TFDP1: variants seen among roughly 807,000 people sequenced by gnomAD.
TFDP1 encodes the protein DRTF1-polypeptide 1.
In TFDP1, 6 loss-of-function variants were observed where a neutral mutation model predicts 48.0. That is an observed-to-expected ratio of 0.13 (90% CI 0.07 to 0.25). TFDP1 has a LOEUF of 0.25. TFDP1 is among the 10% of genes least tolerant of loss of function. The pLI, the probability that TFDP1 is intolerant of heterozygous loss-of-function variation, is 1.00. For synonymous variants in TFDP1, 201 were observed against 211.6 expected (o/e 0.95, Z 0.44); for missense variants, 335 against 543.0 (o/e 0.62, Z 3.81).
At position 113,598,847 on chromosome 13, in the gene TFDP1, G is replaced by A. The variant is rs2048345046; in HGVS notation, c.13-12149G>A. 6.6e-6 allele frequency among the ~76,000 whole-genome samples: 1 copy of A among 152,198 alleles called. No homozygotes were observed. Among genetic ancestry groups the A allele is most frequent in the African/African-American group, 2.4e-5 (1 of 41,444 alleles). ...TAGGGTGATGTTGGGCACCACCCTC[G>A]CCTGCAGCTCATCACCTCTGGATGG... On this transcript the variant is annotated intron_variant, in intron 2 of 11. Transcript: ENST00000375370. This position sits in a 1 kb window ranked among gnomAD's most constrained non-coding sequence, Gnocchi z 4.2.
chr13:113,632,370 G>A (rs2049359886), intron 5 of TFDP1, among the ~76,000 whole-genome samples: 3 of 152,244 alleles, frequency 2.0e-5, no homozygotes, highest in African/African-American at 4.8e-5. Flanking sequence ...CACACTTAGT[G>A]CTTTGCACCT....
chr13:113,634,827 A>ATGTG (rs377583319), intron 8 of TFDP1, among the ~76,000 whole-genome samples: 1 of 148,126 alleles, frequency 6.8e-6, no homozygotes, highest in Non-Finnish European at 1.5e-5. Flanking sequence ...GCATGCATGC[A>ATGTG]TGTGTGTGTG....
chr13:113,601,150 G>A (rs927629255), intron 2 of TFDP1, among the ~76,000 whole-genome samples: 3 of 152,132 alleles, frequency 2.0e-5, no homozygotes, highest in Non-Finnish European at 2.9e-5. Flanking sequence ...GTTGGCCTCC[G>A]TAGCTGAGAA....
Position 113,636,062 on chromosome 13 carries a change from A to G in TFDP1, c.773A>G (p.His258Arg). 6.2e-7 allele frequency: 1 copy of G among 1,614,198 alleles called. No individual in the cohort carries two copies. The change falls in exon 9 of 12, where the codon CAC becomes CGC. Residue 258 changes from histidine to arginine, a missense_variant. His to Arg is a conservative substitution (Grantham distance 29). Around this residue, in one of 3 missense-constraint regions of TFDP1, gnomAD observed 204 missense variants for 287.1 expected, o/e 0.71. Transcript: ENST00000375370. ...SRPPPPNSVI[H>R]LPFIIVNTSK... is the part of the protein sequence containing the mutation. ...CCACCGCCACCCAACTCAGTCATCC[A>G]CCTGCCCTTCATCATCGTCAACACC...
intron 4 of TFDP1, among the ~76,000 whole-genome samples, chr13:113,625,837 C>T (rs1356265072): frequency 6.9e-6 from 1 of 145,844 alleles, no homozygotes; most frequent in African/African-American, 2.6e-5. Flanking sequence ...AGGTGTCTCA[C>T]GCGTCCTCAG....
In TFDP1 at chr13:113,627,745, A is replaced by T. The variant is rs762282553; in HGVS notation, c.187-3878A>T. 3.4e-5 allele frequency among the ~76,000 whole-genome samples: 5 copies of T among 147,458 alleles called. No homozygotes were observed. Among genetic ancestry groups the T allele is most frequent in the Non-Finnish European group, 7.4e-5 (5 of 68,004 alleles). On this transcript the variant is annotated intron_variant, in intron 4 of 11. Transcript: ENST00000375370. This position sits in a 1 kb window ranked among gnomAD's most constrained non-coding sequence, Gnocchi z 4.1. ...GCGCAAACCCCACTGTGAACGGCACATGCAGGATCTAGGTGGCACTCCGTA... is the reference window on the plus strand; with the variant it reads ...GCGCAAACCCCACTGTGAACGGCACTTGCAGGATCTAGGTGGCACTCCGTA...
chr13:113,640,506 T>C lies in TFDP1; in HGVS notation c.*239T>C. 1.9e-6 allele frequency: 1 copy of C among 538,364 alleles called. No homozygotes were observed. Among genetic ancestry groups the C allele is most frequent in the Non-Finnish European group, 2.9e-6 (1 of 350,460 alleles). The allele number at this position is 538,364 out of a possible 1,614,324, so 33.3% of individuals were successfully genotyped here. A position where few individuals can be genotyped will look rare whatever the true frequency, so the allele number is the denominator to read the frequency against. On this transcript the variant is annotated 3_prime_UTR_variant, in exon 12 of 12. Coordinates refer to ENST00000375370, the MANE Select transcript of TFDP1 (RefSeq NM_007111.5). ...AGCGTTTATTTACTTGTTAGGATTT[T>C]GTGTTTTCATTTGCTATTTTTCTTT...
At chr13:113,636,413 G>A in intron 9 of TFDP1, 121 bp from the exon 10 acceptor site, 1 of 1,177,914 alleles carries the variant, frequency 8.5e-7, no homozygotes, top group African/African-American at 1.5e-5. Context: ...AGGAGACACT[G>A]ATGACTGGGA....
chr13:113,600,217 C>T (rs889562943), intron 2 of TFDP1, among the ~76,000 whole-genome samples: 1 of 149,540 alleles, frequency 6.7e-6, no homozygotes, highest in Non-Finnish European at 1.5e-5. Flanking sequence ...TGAGAGAGAA[C>T]CCTCGTGCTT....
At chr13:113,611,407 C>T (rs4150732) in intron 3 of TFDP1, among the ~76,000 whole-genome samples, 2 of 152,254 alleles carry the variant, frequency 1.3e-5, no homozygotes, top group Admixed American at 6.5e-5. Flanking sequence ...TTCCAGAGGC[C>T]GGCCTCACCT....
rs143376685 is a variant in TFDP1 at position 113,636,616 on chromosome 13, G to A, written c.922G>A (p.Gly308Arg). Reference protein sequence around the residue: ...EVLKRMGMACGLESGSCSAED... With the variant: ...EVLKRMGMACRLESGSCSAED... Reference sequence around the variant, plus strand: ...GCTGAAGCGGATGGGCATGGCTTGCGGGCTGGAGTCGGGGAGCTGCTCTGC... The same window carrying A: ...GCTGAAGCGGATGGGCATGGCTTGCAGGCTGGAGTCGGGGAGCTGCTCTGC... The change falls in exon 10 of 12, where the codon GGG (glycine) becomes AGG (arginine). Residue 308 changes from glycine (G) to arginine (R), a missense_variant. Physicochemically the swap from Gly to Arg is moderately radical, Grantham distance 125 (BLOSUM62 -2). This residue lies in a region of TFDP1 where 204 missense variants were observed against 287.1 expected (regional missense o/e 0.71). Coordinates refer to ENST00000375370, the MANE Select transcript of TFDP1 (RefSeq NM_007111.5). The A allele has an allele frequency of 1.2e-4, 194 of 1,614,060 alleles. No individual in the cohort carries two copies. The highest frequency in any genetic ancestry group is 1.5e-4 in the Non-Finnish European group (177 of 1,180,038).
At chr13:113,613,802 A>C (rs2048778318) in intron 3 of TFDP1, among the ~76,000 whole-genome samples, 3 of 148,068 alleles carry the variant, frequency 2.0e-5, no homozygotes, top group Non-Finnish European at 4.5e-5. Flanking sequence ...GTGCGTGTGG[A>C]GTGTCTGTGC....
intron 3 of TFDP1, among the ~76,000 whole-genome samples, chr13:113,613,416 G>A (rs1230764585): frequency 6.6e-6 from 1 of 152,168 alleles, no homozygotes; most frequent in Admixed American, 6.5e-5. Flanking sequence ...TTCCTCTTCT[G>A]TCCATGCAGG....
chr13:113,586,359 G>A (rs1016160605), intron 2 of TFDP1, among the ~76,000 whole-genome samples: 1 of 152,176 alleles, frequency 6.6e-6, no homozygotes, highest in African/African-American at 2.4e-5. Context: ...TTCTCAGAAG[G>A]ATGAGATTTC....
At chr13:113,588,278 G>A (rs2048053737) in intron 2 of TFDP1, among the ~76,000 whole-genome samples, 1 of 152,256 alleles carries the variant, frequency 6.6e-6, no homozygotes, top group Admixed American at 6.5e-5. Flanking sequence ...TAAGTGCCCT[G>A]GGGCCTCTGT....
chr13:113,599,137 A>T (rs1284747287), intron 2 of TFDP1, among the ~76,000 whole-genome samples: 2 of 151,276 alleles, frequency 1.3e-5, no homozygotes, highest in African/African-American at 4.9e-5. Flanking sequence ...TGTTTTGTTC[A>T]CTGCTATGTT....
Position 113,594,944 on chromosome 13 carries a change from A to G in TFDP1, c.12+9095A>G, listed in dbSNP as rs537556129. On this transcript the variant is annotated intron_variant, in intron 2 of 11. Transcript: ENST00000375370. ...AGCTGAATTGTTAGGGTTTCATAGCATATGCCTGTTGGATTTCTATTTAGC... is the reference window on the plus strand; with the variant it reads ...AGCTGAATTGTTAGGGTTTCATAGCGTATGCCTGTTGGATTTCTATTTAGC... Among the ~76,000 whole-genome samples, 85 of 152,380 alleles carry G rather than the reference A, an allele frequency of 5.6e-4. 2 individuals carry two copies. The Middle Eastern group carries it at 0.01, about 18-fold the overall frequency.
chr13:113,625,331 C>T (rs1229799331), intron 4 of TFDP1, among the ~76,000 whole-genome samples: 1 of 129,706 alleles, frequency 7.7e-6, no homozygotes, highest in African/African-American at 3.3e-5. Context: ...TCTCAGGCGT[C>T]TCTCACGTGT....
chr13:113,590,132 C>T (rs868822181), intron 2 of TFDP1, among the ~76,000 whole-genome samples: 6 of 152,354 alleles, frequency 3.9e-5, no homozygotes, highest in Middle Eastern at 3.4e-3. Flanking sequence ...TTGGGCTGTG[C>T]GGGCACTTGG....
Sources: allele counts gnomAD v4.1 joint callset (sites outside exome capture counted in the v4.1 genomes callset), GRCh38; gene constraint gnomAD v4.1.1; regional missense constraint gnomAD v4.1.1; non-coding constraint Gnocchi (gnomAD v3.1); transcripts MANE v1.5; gene names NCBI Gene and HGNC (gene_info 2026-07-23, HGNC 2026-07-21).